Variants in DTWD2 observed in about 807,000 individuals in gnomAD.
DTWD2 encodes tRNA-uridine aminocarboxypropyltransferase 2.
DTWD2 carries 39 observed loss-of-function variants against 31.8 expected under a neutral mutation model. The observed-to-expected ratio is 1.22, with a 90% CI of 0.95 to 1.60. The LOEUF (loss-of-function observed/expected upper bound fraction) is 1.60. DTWD2 is among the 40% of genes most tolerant of loss of function. The probability of loss-of-function intolerance (pLI) is 0.00; values close to 1 mark genes in which losing one functional copy is unlikely to be tolerated. For missense variants in DTWD2, 515 were observed against 381.5 expected, an observed-to-expected ratio of 1.35 and a Z score of -2.92; for synonymous variants, 180 against 142.8, an observed-to-expected ratio of 1.26 and a Z score of -1.86.
At chr5:118,879,789 T>C (rs1206417735) in intron 4 of DTWD2, among the ~76,000 whole-genome samples, 2 of 151,780 alleles carry the variant, frequency 1.3e-5, no homozygotes, top group Non-Finnish European at 2.9e-5. Context: ...ACAACACACA[T>C]TGGGGCCTAC....
chr5:118,974,190 C>G (rs1755071777), intron 1 of DTWD2: 1 of 1,399,886 alleles, frequency 7.1e-7, no homozygotes, highest in South Asian at 1.2e-5. Flanking sequence ...CCTCCACTTC[C>G]CGTCTCAGAA....
intron 1 of DTWD2, among the ~76,000 whole-genome samples, chr5:118,958,319 G>A (rs1009911130): frequency 3.3e-5 from 5 of 152,094 alleles, no homozygotes; most frequent in African/African-American, 1.2e-4. Context: ...TGAGCCGGGT[G>A]TGGTGGCAGG....
At chr5:118,865,411 A>C (rs980919778) in intron 4 of DTWD2, among the ~76,000 whole-genome samples, 1 of 152,142 alleles carries the variant, frequency 6.6e-6, no homozygotes, top group Admixed American at 6.5e-5. Context: ...TCGTTCCTAA[A>C]TATACTATAT....
chr5:118,861,325 T>C (rs1184555052), intron 4 of DTWD2, among the ~76,000 whole-genome samples: 5 of 152,228 alleles, frequency 3.3e-5, no homozygotes, highest in African/African-American at 1.2e-4. Context: ...TTAAAAGATG[T>C]CCAAACTAAA....
At chr5:118,846,213 TATTA>T (rs1433644942) in intron 5 of DTWD2, among the ~76,000 whole-genome samples, 5 of 152,168 alleles carry the variant, frequency 3.3e-5, no homozygotes, top group South Asian at 2.1e-4. Context: ...GTAGATGGTA[TATTA>T]ATTAATATAA....
At chr5:118,981,329 ATTAAAATGATAAATATTACG>A (rs1755294631) in intron 1 of DTWD2, among the ~76,000 whole-genome samples, 1 of 152,222 alleles carries the variant, frequency 6.6e-6, no homozygotes. Flanking sequence ...CACTTAAATG[ATTAAAATGATAAATATTACG>A]TTATGCAAAT....
chr5:118,943,149 C>T (rs1308636379), intron 2 of DTWD2, among the ~76,000 whole-genome samples: 1 of 152,166 alleles, frequency 6.6e-6, no homozygotes, highest in African/African-American at 2.4e-5. Context: ...GGCAAGCTAT[C>T]AGTTTACATA....
rs528881669 is a variant in DTWD2, at chr5:118,863,137, G to A, written c.598-14919C>T. The stretch of plus-strand genomic sequence containing the variant: ...GGCAATGGCAACCTCAATAACACAA[G>A]TGGACACTGCGTTACGTTTTTCAGT... On this transcript the variant is annotated intron_variant, in intron 4 of 5. Transcript: ENST00000510708. Among the ~76,000 whole-genome samples, 4 of 152,236 alleles carry A rather than the reference G, an allele frequency of 2.6e-5. No homozygotes were observed. The East Asian group carries it at 7.7e-4, about 29-fold the overall frequency.
intron 4 of DTWD2, among the ~76,000 whole-genome samples, chr5:118,896,881 G>C (rs974093338): frequency 6.6e-6 from 1 of 152,180 alleles, no homozygotes; most frequent in Non-Finnish European, 1.5e-5. Context: ...CAAAGTGCCA[G>C]GTATGTGCCT....
At chr5:118,880,166 T>A (rs983965585) in intron 4 of DTWD2, among the ~76,000 whole-genome samples, 1 of 152,212 alleles carries the variant, frequency 6.6e-6, no homozygotes, top group African/African-American at 2.4e-5. Flanking sequence ...TGTAAGCTAT[T>A]TGACATTTTT....
intron 1 of DTWD2, among the ~76,000 whole-genome samples, chr5:118,961,523 A>G (rs1754706049): frequency 1.3e-5 from 2 of 152,186 alleles, no homozygotes; most frequent in South Asian, 4.1e-4. Context: ...TAGATATTGA[A>G]TAAATAATGA....
chr5:118,883,259 C>G (rs1042533171), intron 4 of DTWD2, among the ~76,000 whole-genome samples: 5 of 152,138 alleles, frequency 3.3e-5, no homozygotes, highest in African/African-American at 1.2e-4. Flanking sequence ...CATTTGAGAC[C>G]ACCTCAGCCT....
Position 118,963,377 on chromosome 5 carries a change from G to A in DTWD2, c.219-18728C>T, listed in dbSNP as rs183539445. 5.0e-4 allele frequency among the ~76,000 whole-genome samples: 76 copies of A among 152,288 alleles called. No individual in the cohort carries two copies. The East Asian group carries it at 9.1e-3, about 18-fold the overall frequency. Reference sequence around the variant, plus strand: ...AGACAGAATAACAGAACAAAGGCATGGAGCCAAACATTAAAAAGCACCTGT... The same window carrying A: ...AGACAGAATAACAGAACAAAGGCATAGAGCCAAACATTAAAAAGCACCTGT... On this transcript the variant is annotated intron_variant, in intron 1 of 5. Transcript: ENST00000510708.
chr5:118,974,352 T>A (rs1475116209), intron 1 of DTWD2, among the ~76,000 whole-genome samples: 1 of 152,248 alleles, frequency 6.6e-6, no homozygotes, highest in East Asian at 1.9e-4. Context: ...AGGCCCTGCT[T>A]TTTTTCTTAA....
chr5:118,988,282 C>T lies in DTWD2; in HGVS notation c.218+12G>A, dbSNP rs762261990. ...TGCCGGCTGCAGTCCCCGCCCCCAG[C>T]CCCGCGGTCACCTGCAGCGGGTGCA... is the stretch of plus-strand genomic sequence containing the variant. On this transcript the variant is annotated intron_variant, in intron 1 of 5. Transcript: ENST00000510708. 2.6e-6 allele frequency: 4 copies of T among 1,524,718 alleles called. No homozygotes were observed. In the South Asian group the frequency reaches 3.7e-5, roughly 14 times the overall value. The allele number at this position is 1,524,718 out of a possible 1,614,324, so 94.4% of individuals were successfully genotyped here.
At chr5:118,923,953 A>G (rs1305680666) in intron 4 of DTWD2, among the ~76,000 whole-genome samples, 1 of 152,180 alleles carries the variant, frequency 6.6e-6, no homozygotes, top group African/African-American at 2.4e-5. Context: ...AAAATTCTAA[A>G]AAAAATTCAA....
At chr5:118,873,589 T>C (rs1289418985) in intron 4 of DTWD2, among the ~76,000 whole-genome samples, 2 of 152,186 alleles carry the variant, frequency 1.3e-5, no homozygotes, top group African/African-American at 4.8e-5. Flanking sequence ...TGAGTTTTGC[T>C]TTACTTGCAC....
chr5:118,926,776 C>T, intron 4 of DTWD2, among the ~76,000 whole-genome samples: 1 of 152,062 alleles, frequency 6.6e-6, no homozygotes, highest in South Asian at 2.1e-4. Context: ...ACAATCATAG[C>T]TCACTGTAAC....
At chr5:118,872,555 T>C (rs1172229481) in intron 4 of DTWD2, among the ~76,000 whole-genome samples, 1 of 152,148 alleles carries the variant, frequency 6.6e-6, no homozygotes, top group Non-Finnish European at 1.5e-5. Context: ...GAAAGGCCAG[T>C]AGGTGGAACA....
Sources: allele counts gnomAD v4.1 joint callset (sites outside exome capture counted in the v4.1 genomes callset), GRCh38; gene constraint gnomAD v4.1.1; transcripts MANE v1.5; gene names NCBI Gene and HGNC (gene_info 2026-07-23, HGNC 2026-07-21).